Variants in DNMT1 observed in about 807,000 individuals in gnomAD.
DNMT1 encodes the protein DNA (cytosine-5)-methyltransferase 1.
A neutral mutation model predicts 205.3 loss-of-function variants in DNMT1; 24 were observed. The ratio of observed to expected loss-of-function variants is 0.12; its 90% CI spans 0.08 to 0.16. DNMT1 has a LOEUF of 0.16. Ranked by LOEUF, DNMT1 falls within the 10% of genes least tolerant of loss-of-function variation. The pLI, the probability that DNMT1 is intolerant of heterozygous loss-of-function variation, is 1.00. For missense variants in DNMT1, 1,293 were observed against 2,177.7 expected (o/e 0.59, Z 8.09); for synonymous variants, 817 against 839.8 (o/e 0.97, Z 0.47).
chr19:10,170,980 G>T (rs1051240892), intron 9 of DNMT1, among the ~76,000 whole-genome samples: 1 of 151,956 alleles, frequency 6.6e-6, no homozygotes, highest in Non-Finnish European at 1.5e-5. Context: ...GCTGATTTTT[G>T]TATTTTTTGC....
intron 1 of DNMT1, among the ~76,000 whole-genome samples, chr19:10,192,387 T>A (rs994378416): frequency 6.6e-6 from 1 of 152,218 alleles, no homozygotes; most frequent in East Asian, 1.9e-4. Context: ...TGAAAACCCA[T>A]GTCATTATTC....
intron 27 of DNMT1, among the ~76,000 whole-genome samples, chr19:10,147,176 C>T (rs1336392392): frequency 6.6e-6 from 1 of 152,062 alleles, no homozygotes; most frequent in East Asian, 1.9e-4. Context: ...GCAGGAAGAT[C>T]ACTTGAGCCC....
chr19:10,186,675 C>T (rs1341493702), intron 1 of DNMT1, among the ~76,000 whole-genome samples: 1 of 151,602 alleles, frequency 6.6e-6, no homozygotes, highest in African/African-American at 2.4e-5. Context: ...TTCGTCTTTA[C>T]TAAAAATCCA....
Position 10,159,806 on chromosome 19 carries a change from C to T in DNMT1, c.1170+36G>A. 1 of 1,614,202 alleles carries T rather than the reference C, an allele frequency of 6.2e-7. No homozygotes were observed. Among genetic ancestry groups the T allele is most frequent in the Non-Finnish European group, 8.5e-7 (1 of 1,180,026 alleles). ...GGCTGGTGAGCAGTGGGACAAGGGACAGGCAGAGGAAGGCTGGGAAGAGAG... is the reference window on the plus strand; with the variant it reads ...GGCTGGTGAGCAGTGGGACAAGGGATAGGCAGAGGAAGGCTGGGAAGAGAG... On this transcript the variant is annotated intron_variant, in intron 16 of 40. Transcript: ENST00000359526. This position sits in a 1 kb window ranked among gnomAD's most constrained non-coding sequence, Gnocchi z 5.0.
rs756944531 is a variant in DNMT1, at chr19:10,146,504, C to T, written c.2741G>A (p.Arg914His). The T allele has an allele frequency of 7.4e-6, 12 of 1,613,936 alleles. No homozygotes were observed. Among genetic ancestry groups the T allele is most frequent in the African/African-American group, 6.7e-5 (5 of 74,900 alleles). ...NKFKFCVSCA[R>H]LAEMRQKEIP... ...TTCTTTTTGCCTCATCTCAGCCAGA[C>T]GGGCACAGCTCACACAGAATCTGAA... Residue 914 changes from arginine to histidine, a missense_variant, in exon 28 of 41, where the codon CGT becomes CAT. Coordinates refer to ENST00000359526, the MANE Select transcript of DNMT1 (RefSeq NM_001130823.3). The surrounding 1 kb of genome is among the most constrained non-coding windows in gnomAD (Gnocchi z 4.4).
intron 31 of DNMT1, 94 bp downstream of exon 31, chr19:10,141,011 A>G: frequency 6.2e-7 from 1 of 1,613,016 alleles, no homozygotes; most frequent in Non-Finnish European, 8.5e-7. Flanking sequence ...TCCCAGAGTC[A>G]GTAACACCAG....
In DNMT1 at chr19:10,137,527, G is replaced by C. The variant is rs1485910984; in HGVS notation, c.4294-247C>G. The C allele has an allele frequency of 1.4e-5, 9 of 636,522 alleles. No individual in the cohort carries two copies. The highest frequency in any genetic ancestry group is 2.5e-5 in the Non-Finnish European group (9 of 366,756). 39.4% of individuals were successfully genotyped at this position (636,522 alleles called of 1,614,324 possible). On this transcript the variant is annotated intron_variant, in intron 36 of 40. Transcript: ENST00000359526. This position sits in a 1 kb window ranked among gnomAD's most constrained non-coding sequence, Gnocchi z 6.4. ...GGGTGGGGGAAGGGGAGTGGTGCCA[G>C]GGGATGGTGAAAGGGCTGGTCTTGG...
chr19:10,165,540 A>G (rs1216941319), intron 11 of DNMT1, among the ~76,000 whole-genome samples: 1 of 152,114 alleles, frequency 6.6e-6, no homozygotes, highest in African/African-American at 2.4e-5. Flanking sequence ...TTAGAGGCAC[A>G]TGCCACCATG....
chr19:10,189,168 G>A (rs2039252748), intron 1 of DNMT1, among the ~76,000 whole-genome samples: 1 of 149,204 alleles, frequency 6.7e-6, no homozygotes, highest in Non-Finnish European at 1.5e-5. Context: ...TGCCCAGGCT[G>A]GAGTTCAGTG....
chr19:10,174,953 G>C (rs1248268655), intron 7 of DNMT1, among the ~76,000 whole-genome samples: 1 of 151,416 alleles, frequency 6.6e-6, no homozygotes, highest in Non-Finnish European at 1.5e-5. Context: ...TACTCGGGAG[G>C]CTGAAGCAGG....
intron 11 of DNMT1, among the ~76,000 whole-genome samples, chr19:10,164,638 AAC>A (rs1482962535): frequency 1.3e-5 from 2 of 151,462 alleles, no homozygotes; most frequent in African/African-American, 4.9e-5. Context: ...CAAACAAACA[AAC>A]AAACACGCCG....
chr19:10,176,617 G>A lies in DNMT1; in HGVS notation c.569+675C>T, dbSNP rs1229308649. 2.0e-5 allele frequency among the ~76,000 whole-genome samples: 3 copies of A among 152,274 alleles called. No homozygotes were observed. In the East Asian group the frequency reaches 5.8e-4, roughly 29 times the overall value. ...TCACGCCTGTAACCCCAGCACTTTGGGAGGTTGAAGTGGGCAGATCACCTG... is the reference window on the plus strand; with the variant it reads ...TCACGCCTGTAACCCCAGCACTTTGAGAGGTTGAAGTGGGCAGATCACCTG... On this transcript the variant is annotated intron_variant, in intron 6 of 40. Transcript: ENST00000359526.
chr19:10,188,558 G>A (rs983657049), intron 1 of DNMT1, among the ~76,000 whole-genome samples: 6 of 152,038 alleles, frequency 3.9e-5, no homozygotes, highest in African/African-American at 1.4e-4. Flanking sequence ...TGGACCCACC[G>A]AAAAATGTTC....
In DNMT1 at chr19:10,173,857, G is replaced by A; in HGVS notation, c.683+14C>T. On this transcript the variant is annotated intron_variant, in intron 8 of 40. Coordinates refer to ENST00000359526, the MANE Select transcript of DNMT1 (RefSeq NM_001130823.3). ...CTCGTAGAACAAAAAGAAAGGTATA[G>A]TAACTATTCTTACCGTTCTCTGGAT... 6.2e-7 allele frequency: 1 copy of A among 1,613,536 alleles called. No homozygotes were observed. The highest frequency in any genetic ancestry group is 8.5e-7 in the Non-Finnish European group (1 of 1,179,520).
chr19:10,166,209 A>G (rs1191945061), intron 11 of DNMT1, among the ~76,000 whole-genome samples: 1 of 152,032 alleles, frequency 6.6e-6, no homozygotes, highest in Non-Finnish European at 1.5e-5. Context: ...GCAGGGGGAG[A>G]GCTAGACTCA....
At chr19:10,193,196 C>CA (rs2039334174) in intron 1 of DNMT1, among the ~76,000 whole-genome samples, 1 of 151,938 alleles carries the variant, frequency 6.6e-6, no homozygotes, top group African/African-American at 2.4e-5. Context: ...TATACAGAAA[C>CA]AAAAACTAAG....
intron 13 of DNMT1, among the ~76,000 whole-genome samples, chr19:10,162,410 C>T (rs532604015): frequency 7.9e-5 from 12 of 151,976 alleles, no homozygotes; most frequent in South Asian, 4.2e-4. Context: ...GCTGGGACTA[C>T]GGGCGTGCAC....
At chr19:10,177,169 C>T (rs1281395338) in intron 6 of DNMT1, 123 bp downstream of exon 6, 2 of 878,658 alleles carry the variant, frequency 2.3e-6, no homozygotes, top group Admixed American at 2.2e-5. Flanking sequence ...GTCTAGAGAA[C>T]AGAACCGCAA....
chr19:10,174,810 A>C (rs1289415870), intron 7 of DNMT1, among the ~76,000 whole-genome samples: 1 of 151,668 alleles, frequency 6.6e-6, no homozygotes, highest in Non-Finnish European at 1.5e-5. Context: ...AGGCGGGCAG[A>C]TTGCCTAAGC....
Sources: gnomAD v4.1 joint callset for allele counts (sites outside exome capture counted in the v4.1 genomes callset) on GRCh38, gnomAD v4.1.1 for gene constraint, Gnocchi (gnomAD v3.1) non-coding constraint, MANE v1.5 for transcripts, NCBI Gene and HGNC (gene_info 2026-07-23, HGNC 2026-07-21) for gene names.